Variants in DORIP1 observed in about 807,000 individuals in gnomAD.
The protein encoded by DORIP1 is dopamine receptor-interacting protein 1.
At chr14:44,902,117 G>A in the DORIP1 span, among the ~76,000 whole-genome samples, 14 of 152,050 alleles carry the variant, frequency 9.2e-5, no homozygotes, top group Non-Finnish European at 1.5e-4. Context: ...GAAATACACT[G>A]TCTATTTTCC....
chr14:44,900,076 C>T, the DORIP1 span, among the ~76,000 whole-genome samples: 69 of 152,074 alleles, frequency 4.5e-4, 2 homozygotes, highest in African/African-American at 1.2e-3. Flanking sequence ...GGTGATCGCC[C>T]GCCTCAGCCT....
the DORIP1 span, among the ~76,000 whole-genome samples, chr14:44,902,853 C>T: frequency 1.3e-5 from 2 of 152,072 alleles, no homozygotes; most frequent in Non-Finnish European, 2.9e-5. Context: ...ATGATTATTA[C>T]TTACATTTAA....
the DORIP1 span, chr14:44,899,138 T>C: frequency 1.3e-5 from 2 of 152,216 alleles, no homozygotes; most frequent in Admixed American, 1.3e-4. Context: ...GAAGGAGTTT[T>C]TTCAATACAA....
chr14:44,906,303 T>TA, the DORIP1 span: 1 of 152,188 alleles, frequency 6.6e-6, no homozygotes, highest in East Asian at 1.9e-4. Flanking sequence ...TGAAATGCTC[T>TA]AATGTATTTT....
At chr14:44,900,993 A>C in the DORIP1 span, 2 of 1,528,964 alleles carry the variant, frequency 1.3e-6, no homozygotes, top group South Asian at 2.7e-5. Flanking sequence ...TGTCACTTTT[A>C]CTTTTTTTAA....
chr14:44,900,943 C>T, the DORIP1 span: 15 of 1,580,112 alleles, frequency 9.5e-6, no homozygotes, highest in African/African-American at 8.2e-5. Context: ...GGATCAGCAG[C>T]GCACAATTAA....
the DORIP1 span, among the ~76,000 whole-genome samples, chr14:44,897,750 C>T: frequency 1.3e-5 from 2 of 152,292 alleles, no homozygotes; most frequent in African/African-American, 4.8e-5. Flanking sequence ...GCCTCGGTGC[C>T]AGGCCTCCCG....
chr14:44,899,102 GTT>G, the DORIP1 span: 2 of 152,126 alleles, frequency 1.3e-5, no homozygotes, highest in Non-Finnish European at 2.9e-5. Flanking sequence ...GATGTTGTTA[GTT>G]TATTTGCTTG....
chr14:44,903,946 A>G, the DORIP1 span: 2 of 974,652 alleles, frequency 2.1e-6, no homozygotes, highest in South Asian at 4.8e-5. Context: ...GTATAATTCA[A>G]TATGTTATAT....
At chr14:44,900,699 T>A in the DORIP1 span, 20 of 1,613,936 alleles carry the variant, frequency 1.2e-5, no homozygotes, top group Non-Finnish European at 1.5e-5. Flanking sequence ...GTAGAGAGTT[T>A]GTAGACTGTT....
chr14:44,898,260 C>T, the DORIP1 span, among the ~76,000 whole-genome samples: 1 of 151,720 alleles, frequency 6.6e-6, no homozygotes, highest in Non-Finnish European at 1.5e-5. Flanking sequence ...TACTTTGGAA[C>T]AAATCACCAA....
the DORIP1 span, among the ~76,000 whole-genome samples, chr14:44,899,951 C>A: frequency 6.6e-6 from 1 of 151,418 alleles, no homozygotes; most frequent in African/African-American, 2.4e-5. Flanking sequence ...CCTGCCTCAG[C>A]CTCCCGAGTA....
chr14:44,902,924 A>C, the DORIP1 span, among the ~76,000 whole-genome samples: 2 of 152,154 alleles, frequency 1.3e-5, no homozygotes, highest in African/African-American at 4.8e-5. Context: ...ACGAGACCAG[A>C]TTGCCTCTTT....
chr14:44,899,567 CAGG>C, the DORIP1 span, among the ~76,000 whole-genome samples: 3 of 149,650 alleles, frequency 2.0e-5, no homozygotes, highest in Admixed American at 6.6e-5. Flanking sequence ...TATATAGCAA[CAGG>C]AGTTTTTTTT....
the DORIP1 span, chr14:44,905,295 T>C: frequency 9.9e-7 from 1 of 1,010,686 alleles, no homozygotes; most frequent in Admixed American, 2.5e-5. Context: ...TATTCCTTAG[T>C]TATGAATTTA....
chr14:44,900,771 G>A, the DORIP1 span: 7 of 1,613,966 alleles, frequency 4.3e-6, no homozygotes, highest in African/African-American at 2.7e-5. Flanking sequence ...TTTGGGACAA[G>A]ATGGAAAAAC....
At chr14:44,903,537 T>A in the DORIP1 span, 1 of 1,095,270 alleles carries the variant, frequency 9.1e-7, no homozygotes. Flanking sequence ...AATAAAACCT[T>A]GGTTAACTGG....
chr14:44,903,728 T>G, the DORIP1 span: 1 of 963,564 alleles, frequency 1.0e-6, no homozygotes, highest in Non-Finnish European at 1.2e-6. Context: ...AATTAATATT[T>G]AGAAGGATGA....
chr14:44,903,235 T>C, the DORIP1 span: 1 of 1,613,352 alleles, frequency 6.2e-7, no homozygotes, highest in Non-Finnish European at 8.5e-7. Flanking sequence ...ACATGGAAAC[T>C]TGATAAGACT....
Sources: allele counts gnomAD v4.1 joint callset (sites outside exome capture counted in the v4.1 genomes callset), GRCh38; gene constraint gnomAD v4.1.1; transcripts MANE v1.5; gene names NCBI Gene and HGNC (gene_info 2026-07-23, HGNC 2026-07-21).